The following LMO2 variants were observed in gnomAD, a reference collection of about 807,000 sequenced individuals.
LMO2 encodes the protein LIM domain only 2.
Under a neutral mutation model 23.2 loss-of-function variants are expected in LMO2, and 20 were observed. The observed-to-expected ratio is 0.86, with a 90% CI of 0.61 to 1.25. The LOEUF (loss-of-function observed/expected upper bound fraction) is 1.25, where lower values mean the gene tolerates loss of function less well. Among genes scored for constraint, LMO2 ranks in the 50% most tolerant of loss-of-function variants. The pLI is 0.00. For synonymous variants in LMO2, 123 were observed against 130.2 expected, an observed-to-expected ratio of 0.94 and a Z score of 0.38; for missense variants, 270 against 315.3, an observed-to-expected ratio of 0.86 and a Z score of 1.09.
chr11:33,886,824 C>T (rs1857421392), intron 1 of LMO2, among the ~76,000 whole-genome samples: 1 of 152,202 alleles, frequency 6.6e-6, no homozygotes, highest in African/African-American at 2.4e-5. Context: ...TATTCTATCC[C>T]CTGTGGAACA....
At chr11:33,891,542 G>A (rs542489306) in intron 1 of LMO2, among the ~76,000 whole-genome samples, 5 of 152,158 alleles carry the variant, frequency 3.3e-5, no homozygotes, top group African/African-American at 9.6e-5. Flanking sequence ...AGCAACCAGC[G>A]GCTCACACAG....
intron 4 of LMO2, among the ~76,000 whole-genome samples, chr11:33,865,537 G>A (rs560788655): frequency 1.3e-5 from 2 of 152,292 alleles, no homozygotes; most frequent in East Asian, 3.9e-4. Flanking sequence ...TAAGGCCATT[G>A]TTACACGAAG....
intron 2 of LMO2, chr11:33,881,275 C>T (rs1262869581): frequency 2.2e-6 from 1 of 456,924 alleles, no homozygotes; most frequent in Non-Finnish European, 4.4e-6. Flanking sequence ...TGGGTCATAT[C>T]TCGCAAAGGA....
chr11:33,861,873 T>TG (rs1234314598), intron 5 of LMO2, among the ~76,000 whole-genome samples: 1 of 152,118 alleles, frequency 6.6e-6, no homozygotes, highest in Admixed American at 6.5e-5. Context: ...CCTGAGCAAA[T>TG]GGAGTCCCCT....
At chr11:33,882,289 G>A (rs773766747) in intron 1 of LMO2, among the ~76,000 whole-genome samples, 16 of 152,226 alleles carry the variant, frequency 1.1e-4, no homozygotes, top group Non-Finnish European at 1.5e-4. Context: ...GAGAAAGCAA[G>A]TGTTCTGTCT....
At chr11:33,866,635 A>G (rs1473798690) in intron 4 of LMO2, among the ~76,000 whole-genome samples, 4 of 151,828 alleles carry the variant, frequency 2.6e-5, no homozygotes, top group Non-Finnish European at 5.9e-5. Context: ...AAAAAATTCA[A>G]AACTATAGTT....
In LMO2 at chr11:33,858,904, T is replaced by A. The variant is rs1234527172; in HGVS notation, c.*452A>T. The A allele has an allele frequency of 4.2e-6, 1 of 236,922 alleles. No homozygotes were observed. The highest frequency in any genetic ancestry group is 8.3e-6 in the Non-Finnish European group (1 of 119,888). The allele number at this position is 236,922 out of a possible 1,614,324, so 14.7% of individuals were successfully genotyped here. A position where few individuals can be genotyped will look rare whatever the true frequency, so the allele number is the denominator to read the frequency against. On this transcript the variant is annotated 3_prime_UTR_variant, in exon 6 of 6. Transcript: ENST00000257818. ...AGAATGGCCACTCTCCTTTCTGTCC[T>A]TCCCTTGTGTGGAGGACAGTGATTG... is the stretch of plus-strand genomic sequence containing the variant.
At chr11:33,884,314 G>T (rs551337892) in intron 1 of LMO2, among the ~76,000 whole-genome samples, 3 of 151,954 alleles carry the variant, frequency 2.0e-5, no homozygotes, top group Non-Finnish European at 4.4e-5. Flanking sequence ...TCCATTGGGG[G>T]TCAGGCTGGG....
rs1279616823 is a variant in LMO2, at chr11:33,864,646, G to A, written c.420C>T (p.Leu140=). ...GCRLGEVGRR[L]YYKLGRKLCR... is the part of the protein sequence containing the mutation. ...AGAGCTTCCGGCCCAGTTTGTAGTA[G>A]AGGCGCCGCCCCACCTCACCCAGCC... Residue 140 remains leucine, a synonymous_variant, in exon 5 of 6, where the codon CTC becomes CTT. Transcript: ENST00000257818. The surrounding 1 kb of genome is among the most constrained non-coding windows in gnomAD (Gnocchi z 4.8). 2 of 1,613,858 alleles carry A rather than the reference G, an allele frequency of 1.2e-6. No individual in the cohort carries two copies. Among genetic ancestry groups the A allele is most frequent in the African/African-American group, 2.7e-5 (2 of 74,926 alleles).
At chr11:33,889,773 C>T (rs1434131120) in intron 1 of LMO2, among the ~76,000 whole-genome samples, 1 of 152,190 alleles carries the variant, frequency 6.6e-6, no homozygotes, top group Non-Finnish European at 1.5e-5. Flanking sequence ...TTAGAACTAC[C>T]ATTCAATCCA....
At chr11:33,862,282 T>C (rs1244339933) in intron 5 of LMO2, among the ~76,000 whole-genome samples, 1 of 152,190 alleles carries the variant, frequency 6.6e-6, no homozygotes, top group Non-Finnish European at 1.5e-5. Flanking sequence ...ACCATGTCTG[T>C]CACTGGTTAA....
chr11:33,886,347 T>C (rs1004449476), intron 1 of LMO2, among the ~76,000 whole-genome samples: 3 of 152,086 alleles, frequency 2.0e-5, no homozygotes, highest in Admixed American at 2.0e-4. Context: ...ATAAAAGTAG[T>C]TTGTAGGGGA....
At chr11:33,886,363 G>A (rs530708961) in intron 1 of LMO2, among the ~76,000 whole-genome samples, 3 of 152,318 alleles carry the variant, frequency 2.0e-5, no homozygotes, top group South Asian at 2.1e-4. Flanking sequence ...GGGGAGGTGG[G>A]ACTAAACATA....
chr11:33,871,136 A>C (rs1352523376), intron 2 of LMO2: 1 of 857,294 alleles, frequency 1.2e-6, no homozygotes, highest in East Asian at 1.2e-4. Flanking sequence ...TACTGCCTGC[A>C]TGCTCTTGTC....
At chr11:33,877,378 C>T (rs988233050) in intron 2 of LMO2, among the ~76,000 whole-genome samples, 1 of 151,838 alleles carries the variant, frequency 6.6e-6, no homozygotes, top group Admixed American at 6.6e-5. Context: ...GGCATCTGGG[C>T]CATCAAAGGG....
chr11:33,864,217 G>A lies in LMO2; in HGVS notation c.464+385C>T, dbSNP rs962889616. 1.3e-5 allele frequency among the ~76,000 whole-genome samples: 2 copies of A among 151,998 alleles called. No homozygotes were observed. Among genetic ancestry groups the A allele is most frequent in the Non-Finnish European group, 2.9e-5 (2 of 68,014 alleles). On this transcript the variant is annotated intron_variant, in intron 5 of 5. Transcript: ENST00000257818. This position sits in a 1 kb window ranked among gnomAD's most constrained non-coding sequence, Gnocchi z 4.8. ...ATATGTTCTGAAGCATTCAAATGAGGTCCTCAGAGCCCACCTCCAAACTTA... is the reference window on the plus strand; with the variant it reads ...ATATGTTCTGAAGCATTCAAATGAGATCCTCAGAGCCCACCTCCAAACTTA...
intron 2 of LMO2, among the ~76,000 whole-genome samples, chr11:33,875,604 G>C (rs992153252): frequency 1.3e-5 from 2 of 148,338 alleles, no homozygotes; most frequent in Non-Finnish European, 3.0e-5. Context: ...AAAAGTTTGA[G>C]CACCCATTGA....
In LMO2 at chr11:33,869,350, A is replaced by C. The variant is rs1856915328; in HGVS notation, c.244T>G (p.Ser82Ala). ...SAIERKSLDP[S>A]EEPVDEVLQI... Reference sequence around the variant, plus strand: ...GGGCAGGGGGGCCGCACTTACTCTGAAGGGTCCAGGCTCTTCCTTTCGATG... The same window carrying C: ...GGGCAGGGGGGCCGCACTTACTCTGCAGGGTCCAGGCTCTTCCTTTCGATG... The change falls in exon 4 of 6, where the codon TCA becomes GCA. Residue 82 changes from serine to alanine, a missense_variant. Coordinates refer to ENST00000257818, the MANE Select transcript of LMO2 (RefSeq NM_005574.4). 1.7e-6 allele frequency: 2 copies of C among 1,203,172 alleles called. No individual in the cohort carries two copies. The highest frequency in any genetic ancestry group is 3.3e-4 in the Middle Eastern group (1 of 3,026). The allele number at this position is 1,203,172 out of a possible 1,614,324, so 74.5% of individuals were successfully genotyped here.
intron 1 of LMO2, among the ~76,000 whole-genome samples, chr11:33,889,364 G>A (rs760775400): frequency 1.3e-5 from 2 of 152,160 alleles, no homozygotes; most frequent in Non-Finnish European, 2.9e-5. Context: ...AGATGAGCTC[G>A]CAGCCAGACT....
Sources: gnomAD v4.1 joint callset for allele counts (sites outside exome capture counted in the v4.1 genomes callset) on GRCh38, gnomAD v4.1.1 for gene constraint, Gnocchi (gnomAD v3.1) non-coding constraint, MANE v1.5 for transcripts, NCBI Gene and HGNC (gene_info 2026-07-23, HGNC 2026-07-21) for gene names.